Variants in POFUT2 observed in about 807,000 individuals in gnomAD.
POFUT2 encodes the protein protein O-fucosyltransferase 2.
Under a neutral mutation model 55.0 loss-of-function variants are expected in POFUT2, and 30 were observed. That is an observed-to-expected ratio of 0.55 (90% CI 0.41 to 0.74). The LOEUF (loss-of-function observed/expected upper bound fraction) is 0.74. Ranked by LOEUF, POFUT2 falls within the 30% of genes least tolerant of loss-of-function variation. POFUT2 has a pLI of 0.00. For missense variants in POFUT2, 524 were observed against 562.6 expected (o/e 0.93, Z 0.69); for synonymous variants, 267 against 231.1 (o/e 1.16, Z -1.41).
In POFUT2 at chr21:45,267,705, C is replaced by T; in HGVS notation, c.1021G>A (p.Glu341Lys). The T allele has an allele frequency of 1.2e-6, 2 of 1,613,982 alleles. No individual in the cohort carries two copies. The highest frequency in any genetic ancestry group is 2.2e-5 in the East Asian group (1 of 44,870). ...ATDAVRKEYE[E>K]LKKLLPEMVR... ...ATCTCGGGTAACAGCTTTTTTAGCT[C>T]TTCATATTCTGCAAAGTAGAAGGAG... Residue 341 changes from glutamate (E) to lysine (K), a missense_variant, in exon 8 of 9, where the codon GAG becomes AAG. Glu to Lys is a moderately conservative substitution (Grantham distance 56). Transcript: ENST00000349485. This position sits in a 1 kb window ranked among gnomAD's most constrained non-coding sequence, Gnocchi z 4.4.
In POFUT2 at chr21:45,283,509, A is replaced by C; in HGVS notation, c.401T>G (p.Ile134Ser). The change falls in exon 3 of 9, where the codon ATT becomes AGT. Residue 134 changes from isoleucine (I) to serine (S), a missense_variant. Physicochemically the swap from Ile to Ser is moderately radical, Grantham distance 142. Coordinates refer to ENST00000349485, the MANE Select transcript of POFUT2 (RefSeq NM_133635.6). ...ACTTTGCAGGACGTAAACCTGGTCA[A>C]TAAAGGGCCCACCAGATTCTGAAAG... ...QFIAESGGPFIDQVYVLQSYA... is the reference protein window; with the variant it reads ...QFIAESGGPFSDQVYVLQSYA... 6.2e-7 allele frequency: 1 copy of C among 1,613,846 alleles called. No individual in the cohort carries two copies. Among genetic ancestry groups the C allele is most frequent in the Non-Finnish European group, 8.5e-7 (1 of 1,179,890 alleles).
rs974347411 is a variant in POFUT2 at position 45,277,071 on chromosome 21, G to A, written c.777C>T (p.Asn259=). 6 of 1,613,976 alleles carry A rather than the reference G, an allele frequency of 3.7e-6. No individual in the cohort carries two copies. In the Admixed American group the frequency reaches 6.7e-5, roughly 18 times the overall value. Residue 259 remains asparagine, a synonymous_variant, in exon 6 of 9, where the codon AAC becomes AAT. Transcript: ENST00000349485. This position sits in a 1 kb window ranked among gnomAD's most constrained non-coding sequence, Gnocchi z 6.9. Reference sequence around the variant, plus strand: ...GGATCCTGTCTGCGTCGTCCGTGGAGTTGAGATGTCTGCTCCTGAACTCGT... The same window carrying A: ...GGATCCTGTCTGCGTCGTCCGTGGAATTGAGATGTCTGCTCCTGAACTCGT... The part of the protein sequence containing the change: ...VGDEFRSRHL[N]STDDADRIPF...
At chr21:45,283,824 G>C (rs35323494) in intron 2 of POFUT2, among the ~76,000 whole-genome samples, 2 of 151,948 alleles carry the variant, frequency 1.3e-5, no homozygotes, top group East Asian at 3.9e-4. Context: ...GAGCCCATCC[G>C]GCCCTCACGC....
Position 45,267,638 on chromosome 21 carries a change from T to C in POFUT2, c.1088A>G (p.Lys363Arg), listed in dbSNP as rs1404269621. The C allele has an allele frequency of 6.2e-7, 1 of 1,614,194 alleles. No homozygotes were observed. Among genetic ancestry groups the C allele is most frequent in the African/African-American group, 1.3e-5 (1 of 75,064 alleles). Reference protein sequence around the residue: ...EPTWEELELYKDGGVAIIDQW... With the variant: ...EPTWEELELYRDGGVAIIDQW... ...GTCAATAATCGCAACGCCTCCGTCC[T>C]TGTAGAGCTCCAGCTCCTCCCACGT... is the stretch of plus-strand genomic sequence containing the variant. The change falls in exon 8 of 9, where the codon AAG (lysine) becomes AGG (arginine). Residue 363 changes from lysine (K) to arginine (R), a missense_variant. Coordinates refer to ENST00000349485, the MANE Select transcript of POFUT2 (RefSeq NM_133635.6). The surrounding 1 kb of genome is among the most constrained non-coding windows in gnomAD (Gnocchi z 4.4).
At position 45,275,051 on chromosome 21, in the gene POFUT2, A is replaced by G. The variant is rs553245112; in HGVS notation, c.831+1966T>C. On this transcript the variant is annotated intron_variant, in intron 6 of 8. Coordinates refer to ENST00000349485, the MANE Select transcript of POFUT2 (RefSeq NM_133635.6). The stretch of plus-strand genomic sequence containing the variant: ...ATCCGACCAAGGACTAATATCCAGA[A>G]TCTACAAGGAAATGAAACAGATCAG... Among the ~76,000 whole-genome samples, 332 of 152,338 alleles carry G rather than the reference A, an allele frequency of 2.2e-3. 4 individuals carry two copies. Among genetic ancestry groups the G allele is most frequent in the African/African-American group, 7.8e-3 (323 of 41,574 alleles).
At position 45,277,664 on chromosome 21, in the gene POFUT2, C is replaced by T. The variant is rs1175365685; in HGVS notation, c.705+439G>A. 2.2e-5 allele frequency: 5 copies of T among 228,608 alleles called. No homozygotes were observed. The highest frequency in any genetic ancestry group is 6.9e-5 in the African/African-American group (3 of 43,488). The allele number at this position is 228,608 out of a possible 1,614,324, so 14.2% of individuals were successfully genotyped here. A position where few individuals can be genotyped will look rare whatever the true frequency, so the allele number is the denominator to read the frequency against. On this transcript the variant is annotated intron_variant, in intron 5 of 8. Transcript: ENST00000349485. This position sits in a 1 kb window ranked among gnomAD's most constrained non-coding sequence, Gnocchi z 6.9. ...GGGGGCAGCCACTTCCCGCCCTCTGCTCCCACTCACTCACAGAACCAGGGG... is the reference window on the plus strand; with the variant it reads ...GGGGGCAGCCACTTCCCGCCCTCTGTTCCCACTCACTCACAGAACCAGGGG...
At chr21:45,274,957 C>G (rs2093249958) in intron 6 of POFUT2, among the ~76,000 whole-genome samples, 1 of 152,160 alleles carries the variant, frequency 6.6e-6, no homozygotes, top group Non-Finnish European at 1.5e-5. Flanking sequence ...AACTAAAAAG[C>G]TTCTGCACGG....
chr21:45,265,698 A>G lies in POFUT2; in HGVS notation c.1137-63T>C. 6.5e-7 allele frequency: 1 copy of G among 1,548,042 alleles called. No homozygotes were observed. Among genetic ancestry groups the G allele is most frequent in the Non-Finnish European group, 8.7e-7 (1 of 1,151,910 alleles). The stretch of plus-strand genomic sequence containing the variant: ...CTGGCGTCACAGAGGTTCCAGAGTC[A>G]GGGAGAACTGAGAGGAGCAGCTGAG... On this transcript the variant is annotated intron_variant, in intron 8 of 8. Coordinates refer to ENST00000349485, the MANE Select transcript of POFUT2 (RefSeq NM_133635.6). The surrounding 1 kb of genome is among the most constrained non-coding windows in gnomAD (Gnocchi z 4.6).
intron 6 of POFUT2, among the ~76,000 whole-genome samples, chr21:45,276,158 C>T (rs571031199): frequency 5.3e-5 from 8 of 151,736 alleles, no homozygotes; most frequent in East Asian, 3.9e-4. Context: ...CACTGCACTC[C>T]GGCCTGGGCG....
At position 45,283,424 on chromosome 21, in the gene POFUT2, A is replaced by G; in HGVS notation, c.486T>C (p.Ile162=). ...WEEKVDERPC[I]DQLLYSQDKH... is the part of the protein sequence containing the mutation. Reference sequence around the variant, plus strand: ...TGTCCTGGGAGTACAGGAGCTGATCAATACACGGCCGCTCGTCCACCTTCT... The same window carrying G: ...TGTCCTGGGAGTACAGGAGCTGATCGATACACGGCCGCTCGTCCACCTTCT... Residue 162 remains isoleucine, a synonymous_variant, in exon 3 of 9, where the codon ATT becomes ATC. Coordinates refer to ENST00000349485, the MANE Select transcript of POFUT2 (RefSeq NM_133635.6). The G allele has an allele frequency of 6.2e-7, 1 of 1,613,380 alleles. No homozygotes were observed. Among genetic ancestry groups the G allele is most frequent in the Non-Finnish European group, 8.5e-7 (1 of 1,179,770 alleles).
chr21:45,266,225 G>C, intron 8 of POFUT2: 1 of 1,367,590 alleles, frequency 7.3e-7, no homozygotes, highest in Non-Finnish European at 9.8e-7. Flanking sequence ...GGCACTTCAT[G>C]AACTTCGTGA....
chr21:45,269,016 C>T lies in POFUT2; in HGVS notation c.1012+823G>A, dbSNP rs566193814. Among the ~76,000 whole-genome samples, 23 of 85,134 alleles carry T rather than the reference C, an allele frequency of 2.7e-4. 1 individual carries two copies. Among genetic ancestry groups the T allele is most frequent in the Admixed American group, 6.1e-4 (6 of 9,914 alleles). The allele number at this position is 85,134 out of a possible 152,430, so 55.9% of individuals were successfully genotyped here. The stretch of plus-strand genomic sequence containing the variant: ...CAAAGAGCCCCTCTGCCCGGCCAGC[C>T]GCCCCGTCTGGGAGGGAGGTGGGGG... On this transcript the variant is annotated intron_variant, in intron 7 of 8. Coordinates refer to ENST00000349485, the MANE Select transcript of POFUT2 (RefSeq NM_133635.6).
At chr21:45,286,449 CTT>C (rs1190955935) in intron 1 of POFUT2, among the ~76,000 whole-genome samples, 1 of 152,212 alleles carries the variant, frequency 6.6e-6, no homozygotes, top group African/African-American at 2.4e-5. Context: ...TTGCAAATCT[CTT>C]TTGGGTTTGG....
In POFUT2 at chr21:45,285,763, C is replaced by G; in HGVS notation, c.297G>C (p.Gln99His). Residue 99 changes from glutamine to histidine, a missense_variant, in exon 2 of 9, where the codon CAG becomes CAC. Gln to His is a conservative substitution (Grantham distance 24). Coordinates refer to ENST00000349485, the MANE Select transcript of POFUT2 (RefSeq NM_133635.6). The surrounding 1 kb of genome is among the most constrained non-coding windows in gnomAD (Gnocchi z 4.9). ...AAAACTCAGACCAGGGAATCCGGAC[C>G]TGGTGGATGTCAGGACTCTGCCAGT... ...LYHWQSPDIH[Q>H]VRIPWSEFFD... 6.2e-7 allele frequency: 1 copy of G among 1,613,816 alleles called. No homozygotes were observed. The highest frequency in any genetic ancestry group is 1.1e-5 in the South Asian group (1 of 91,084).
Position 45,285,566 on chromosome 21 carries a change from G to T in POFUT2, c.382+112C>A, listed in dbSNP as rs765017004. The T allele has an allele frequency of 6.1e-6, 8 of 1,317,622 alleles. No individual in the cohort carries two copies. The East Asian group carries it at 1.9e-4, about 31-fold the overall frequency. 81.6% of individuals were successfully genotyped at this position (1,317,622 alleles called of 1,614,324 possible). A position where few individuals can be genotyped will look rare whatever the true frequency, so the allele number is the denominator to read the frequency against. ...CAGGCAGCAGCACTGGGCACTGGAG[G>T]ATGCTGGTGAGGCTGGATGCAATCG... is the stretch of plus-strand genomic sequence containing the variant. On this transcript the variant is annotated intron_variant, in intron 2 of 8. Coordinates refer to ENST00000349485, the MANE Select transcript of POFUT2 (RefSeq NM_133635.6). The surrounding 1 kb of genome is among the most constrained non-coding windows in gnomAD (Gnocchi z 4.9).
In POFUT2 at chr21:45,265,356, G is replaced by T; in HGVS notation, c.*126C>A. ...GAGGCGTGGGGCCTCTTCTGGGCCT[G>T]GGACCCTGCGAGGGACGGTCCTGTC... On this transcript the variant is annotated 3_prime_UTR_variant, in exon 9 of 9. Transcript: ENST00000349485. The surrounding 1 kb of genome is among the most constrained non-coding windows in gnomAD (Gnocchi z 4.6). 1 of 830,896 alleles carries T rather than the reference G, an allele frequency of 1.2e-6. No individual in the cohort carries two copies. Among genetic ancestry groups the T allele is most frequent in the Non-Finnish European group, 1.9e-6 (1 of 536,110 alleles). 51.5% of individuals were successfully genotyped at this position (830,896 alleles called of 1,614,324 possible).
chr21:45,265,428 A>C lies in POFUT2; in HGVS notation c.*54T>G. 1 of 1,499,652 alleles carries C rather than the reference A, an allele frequency of 6.7e-7. No individual in the cohort carries two copies. The highest frequency in any genetic ancestry group is 9.1e-7 in the Non-Finnish European group (1 of 1,101,442). 92.9% of individuals were successfully genotyped at this position (1,499,652 alleles called of 1,614,324 possible). A position where few individuals can be genotyped will look rare whatever the true frequency, so the allele number is the denominator to read the frequency against. ...TAGACGGTGACTCCACGGCGACAGA[A>C]CCTGCATCCACCCGCGCCTGTCGGG... On this transcript the variant is annotated 3_prime_UTR_variant, in exon 9 of 9. Coordinates refer to ENST00000349485, the MANE Select transcript of POFUT2 (RefSeq NM_133635.6). The surrounding 1 kb of genome is among the most constrained non-coding windows in gnomAD (Gnocchi z 4.6).
In POFUT2 at chr21:45,281,911, C is replaced by T. The variant is rs1024489608; in HGVS notation, c.638+438G>A. Among the ~76,000 whole-genome samples the T allele has an allele frequency of 7.9e-5, 12 of 152,100 alleles. No individual in the cohort carries two copies. Among genetic ancestry groups the T allele is most frequent in the African/African-American group, 2.7e-4 (11 of 41,420 alleles). ...CAGGCCGGCGACCACTTGAGGCAGA[C>T]GCATGGCCAAAGGTGGCTGCATGAT... On this transcript the variant is annotated intron_variant, in intron 4 of 8. Transcript: ENST00000349485. The surrounding 1 kb of genome is among the most constrained non-coding windows in gnomAD (Gnocchi z 5.0).
At chr21:45,266,212 A>G (rs1287481187) in intron 8 of POFUT2, 1 of 1,367,574 alleles carries the variant, frequency 7.3e-7, no homozygotes, top group Non-Finnish European at 9.8e-7. Context: ...CTGGCTCTCC[A>G]GCGGCACTTC....
Sources: allele counts gnomAD v4.1 joint callset (sites outside exome capture counted in the v4.1 genomes callset), GRCh38; gene constraint gnomAD v4.1.1; non-coding constraint Gnocchi (gnomAD v3.1); transcripts MANE v1.5; gene names NCBI Gene and HGNC (gene_info 2026-07-23, HGNC 2026-07-21).